Variants in UCP1 observed in about 807,000 individuals in gnomAD.
UCP1 encodes mitochondrial brown fat uncoupling protein 1.
In UCP1, 24 loss-of-function variants were observed where a neutral mutation model predicts 26.2. That is an observed-to-expected ratio of 0.92 (90% CI 0.66 to 1.29). UCP1 has a LOEUF of 1.29. Among genes scored for constraint, UCP1 ranks in the 50% most tolerant of loss-of-function variants. The probability of loss-of-function intolerance (pLI) is 0.00; values close to 1 mark genes in which losing one functional copy is unlikely to be tolerated. For missense variants in UCP1, 402 were observed against 388.7 expected, an observed-to-expected ratio of 1.03 and a Z score of -0.29; for synonymous variants, 164 against 156.8, an observed-to-expected ratio of 1.05 and a Z score of -0.34.
At chr4:140,562,130 G>T in intron 5 of UCP1, 63 bp downstream of exon 5, 13 of 1,584,892 alleles carry the variant, frequency 8.2e-6, no homozygotes, top group Non-Finnish European at 1.1e-5. Context: ...TGCTTGACAT[G>T]AGAGTGTCCC....
At chr4:140,561,494 C>T (rs1735676001) in intron 5 of UCP1, among the ~76,000 whole-genome samples, 1 of 152,050 alleles carries the variant, frequency 6.6e-6, no homozygotes, top group Non-Finnish European at 1.5e-5. Context: ...AGGGGACCAT[C>T]AGTGCGTGCC....
At position 140,568,820 on chromosome 4, in the gene UCP1, C is replaced by G. The variant is rs532734814; in HGVS notation, c.-91G>C. ...TCCCTTGCTCTTCACGCCTGTCCGC[C>G]GGGCAGCAAACCCGATTTCTGTTTT... On this transcript the variant is annotated 5_prime_UTR_variant, in exon 1 of 6. Coordinates refer to ENST00000262999, the MANE Select transcript of UCP1 (RefSeq NM_021833.5). 2.0e-6 allele frequency: 3 copies of G among 1,526,170 alleles called. No individual in the cohort carries two copies. The highest frequency in any genetic ancestry group is 1.7e-4 in the Middle Eastern group (1 of 5,848). 94.5% of individuals were successfully genotyped at this position (1,526,170 alleles called of 1,614,324 possible).
Position 140,563,228 on chromosome 4 carries a change from AG to A in UCP1, c.527-18del, listed in dbSNP as rs1735720117. The A allele has an allele frequency of 1.9e-6, 3 of 1,608,266 alleles. No individual in the cohort carries two copies. Among genetic ancestry groups the A allele is most frequent in the Non-Finnish European group, 1.7e-6 (2 of 1,175,336 alleles). On this transcript the variant is annotated intron_variant, in intron 3 of 5. Coordinates refer to ENST00000262999, the MANE Select transcript of UCP1 (RefSeq NM_021833.5). ...GAGTAGTCCCTGGGGAAAAAAAAAA[AG>A]AAAATGTTTATTAACTCTACTTTAC... is the stretch of plus-strand genomic sequence containing the variant.
chr4:140,565,618 T>C (rs1735779265), intron 2 of UCP1, among the ~76,000 whole-genome samples: 1 of 152,052 alleles, frequency 6.6e-6, no homozygotes. Flanking sequence ...CACCCCTCCT[T>C]CCTCACCAAC....
chr4:140,561,553 T>C (rs1735677534), intron 5 of UCP1, among the ~76,000 whole-genome samples: 1 of 152,102 alleles, frequency 6.6e-6, no homozygotes, highest in African/African-American at 2.4e-5. Context: ...GGGTCTCGCT[T>C]TGTTGCCCAG....
At chr4:140,568,108 CGTGTGTGTGTGTG>C in intron 1 of UCP1, 131 bp from the exon 2 acceptor site, 1 of 637,654 alleles carries the variant, frequency 1.6e-6, no homozygotes, top group Admixed American at 2.3e-5. Flanking sequence ...CTCCCTCTAC[CGTGTGTGTGTGTG>C]TGTGTGTGTG....
intron 1 of UCP1, among the ~76,000 whole-genome samples, chr4:140,568,235 C>G (rs943654327): frequency 1.3e-5 from 2 of 151,748 alleles, no homozygotes; most frequent in African/African-American, 4.8e-5. Flanking sequence ...CTCCAGAACC[C>G]CTAGGGCAGT....
intron 2 of UCP1, among the ~76,000 whole-genome samples, chr4:140,565,960 A>G (rs768357278): frequency 1.2e-4 from 19 of 152,086 alleles, no homozygotes; most frequent in Non-Finnish European, 5.9e-5. Flanking sequence ...GTAATGCATT[A>G]CCTTTTCTAT....
chr4:140,563,539 T>G (rs778831738), intron 2 of UCP1, 21 bp from the exon 3 acceptor site: 2 of 1,605,466 alleles, frequency 1.2e-6, no homozygotes, highest in African/African-American at 2.7e-5. Flanking sequence ...AGAAAAAAAA[T>G]TATTAAGAAA....
intron 2 of UCP1, among the ~76,000 whole-genome samples, chr4:140,565,264 C>G (rs1222871440): frequency 6.6e-6 from 1 of 152,158 alleles, no homozygotes; most frequent in African/African-American, 2.4e-5. Context: ...TGGAAGTCAT[C>G]TCATATTTCT....
At chr4:140,564,872 A>G (rs1735763493) in intron 2 of UCP1, among the ~76,000 whole-genome samples, 1 of 152,140 alleles carries the variant, frequency 6.6e-6, no homozygotes, top group African/African-American at 2.4e-5. Flanking sequence ...TAAGAACTAA[A>G]AGAAATTTAT....
At chr4:140,560,087 C>T in intron 5 of UCP1, 77 bp from the exon 6 acceptor site, 2 of 1,227,758 alleles carry the variant, frequency 1.6e-6, no homozygotes, top group Admixed American at 1.9e-5. Flanking sequence ...AGGCTTCACC[C>T]TGCCGCCCAG....
At chr4:140,568,522 C>T in intron 1 of UCP1, 82 bp downstream of exon 1, 1 of 1,594,544 alleles carries the variant, frequency 6.3e-7, no homozygotes, top group Non-Finnish European at 8.5e-7. Context: ...AGTGGTTACA[C>T]CAAAGCAGAG....
chr4:140,566,639 G>A (rs1735805126), intron 2 of UCP1, among the ~76,000 whole-genome samples: 1 of 152,110 alleles, frequency 6.6e-6, no homozygotes, highest in African/African-American at 2.4e-5. Context: ...TAAAATTATA[G>A]TATTGAAGGT....
In UCP1 at chr4:140,559,963, A is replaced by C; in HGVS notation, c.857T>G (p.Phe286Cys). The change falls in exon 6 of 6, where the codon TTT becomes TGT. Residue 286 changes from phenylalanine (F) to cysteine (C), a missense_variant. Phe to Cys is a radical substitution (Grantham distance 205). Transcript: ENST00000262999. The stretch of plus-strand genomic sequence containing the variant: ...TCGTTTCAGTTGTTCAAAGCACACA[A>C]ACATAATGACGTTCCAGGATCCAAG... ...LRLGSWNVIM[F>C]VCFEQLKREL... The C allele has an allele frequency of 6.2e-7, 1 of 1,614,132 alleles. No individual in the cohort carries two copies. Among genetic ancestry groups the C allele is most frequent in the Non-Finnish European group, 8.5e-7 (1 of 1,180,008 alleles).
In UCP1 at chr4:140,567,773, G is replaced by A. The variant is rs377137285; in HGVS notation, c.325+6C>T. 2.7e-4 allele frequency: 436 copies of A among 1,613,840 alleles called. No individual in the cohort carries two copies. The highest frequency in any genetic ancestry group is 9.0e-4 in the South Asian group (82 of 91,054). ...TCTGCCCCTCCCAGGAACGCTCACG[G>A]CTTACTTTCTTTCCCTGCGGTGAGG... On this transcript the variant is annotated splice_donor_region_variant and intron_variant, in intron 2 of 5. Coordinates refer to ENST00000262999, the MANE Select transcript of UCP1 (RefSeq NM_021833.5).
At chr4:140,563,700 C>T (rs373303951) in intron 2 of UCP1, among the ~76,000 whole-genome samples, 182 bp from the exon 3 acceptor site, 14 of 151,692 alleles carry the variant, frequency 9.2e-5, no homozygotes, top group East Asian at 3.9e-4. Flanking sequence ...CTCCGCCTCC[C>T]GGGTTCAAGA....
chr4:140,563,284 T>G (rs763050237), intron 3 of UCP1, 34 bp downstream of exon 3: 1 of 1,613,766 alleles, frequency 6.2e-7, no homozygotes, highest in Non-Finnish European at 8.5e-7. Context: ...GTATGTGCTT[T>G]GGTGGTTATA....
chr4:140,560,710 A>G (rs1735657399), intron 5 of UCP1, among the ~76,000 whole-genome samples: 1 of 151,300 alleles, frequency 6.6e-6, no homozygotes, highest in Admixed American at 6.6e-5. Context: ...GTCTCTTAAC[A>G]TGTTTCTCTT....
Sources: gnomAD v4.1 joint callset for allele counts (sites outside exome capture counted in the v4.1 genomes callset) on GRCh38, gnomAD v4.1.1 for gene constraint, MANE v1.5 for transcripts, NCBI Gene and HGNC (gene_info 2026-07-23, HGNC 2026-07-21) for gene names.